The following PITPNM3 variants were observed in gnomAD, a reference collection of about 807,000 sequenced individuals.
PITPNM3 encodes membrane-associated phosphatidylinositol transfer protein 3.
In PITPNM3, 26 loss-of-function variants were observed where a neutral mutation model predicts 102.0. The ratio of observed to expected loss-of-function variants is 0.25; its 90% confidence interval spans 0.19 to 0.35. The LOEUF (loss-of-function observed/expected upper bound fraction) is 0.35, where lower values mean the gene tolerates loss of function less well. PITPNM3 is among the 10% of genes least tolerant of loss of function. PITPNM3 has a pLI of 1.00. For synonymous variants in PITPNM3, 578 were observed against 558.6 expected (o/e 1.03, Z -0.49); for missense variants, 1,083 against 1,346.1 (o/e 0.80, Z 3.06).
intron 2 of PITPNM3, among the ~76,000 whole-genome samples, chr17:6,529,903 G>C (rs768701758): frequency 7.9e-5 from 12 of 152,186 alleles, no homozygotes; most frequent in Non-Finnish European, 1.8e-4. Context: ...CTGGTTCCAT[G>C]GCGTTCTCTT....
chr17:6,539,348 A>G (rs1382392492), intron 1 of PITPNM3, among the ~76,000 whole-genome samples: 1 of 152,224 alleles, frequency 6.6e-6, no homozygotes, highest in East Asian at 1.9e-4. Flanking sequence ...TGTGGAGGAC[A>G]TTCTAGCTAT....
rs1480190324 is a variant in PITPNM3 at position 6,457,519 on chromosome 17, TG to T, written c.2619+74del. 1.9e-6 allele frequency: 3 copies of T among 1,592,430 alleles called. No homozygotes were observed. Among genetic ancestry groups the T allele is most frequent in the Admixed American group, 3.4e-5 (2 of 59,392 alleles). On this transcript the variant is annotated intron_variant, in intron 19 of 19. Coordinates refer to ENST00000262483, the MANE Select transcript of PITPNM3 (RefSeq NM_031220.4). The surrounding 1 kb of genome is among the most constrained non-coding windows in gnomAD (Gnocchi z 4.7). ...ATGAACAAATGAATGAATGAATGAA[TG>T]AAGTGCTTACTCCCTCTATCCCTTT...
intron 1 of PITPNM3, among the ~76,000 whole-genome samples, chr17:6,544,589 G>C (rs1053135977): frequency 2.0e-5 from 3 of 151,834 alleles, no homozygotes; most frequent in Non-Finnish European, 4.4e-5. Flanking sequence ...AGTGAGAGCA[G>C]TGCCTGGCTG....
chr17:6,472,117 C>T lies in PITPNM3; in HGVS notation c.1429+540G>A, dbSNP rs577511376. On this transcript the variant is annotated intron_variant, in intron 11 of 19. Transcript: ENST00000262483. This position sits in a 1 kb window ranked among gnomAD's most constrained non-coding sequence, Gnocchi z 4.1. ...CCATCGACGATACACTCGGTCCATGCCCGGTTCACCCCACTTGACCCTGGA... is the reference window on the plus strand; with the variant it reads ...CCATCGACGATACACTCGGTCCATGTCCGGTTCACCCCACTTGACCCTGGA... 5.9e-5 allele frequency among the ~76,000 whole-genome samples: 9 copies of T among 152,328 alleles called. No individual in the cohort carries two copies. Among genetic ancestry groups the T allele is most frequent in the African/African-American group, 1.7e-4 (7 of 41,572 alleles).
In PITPNM3 at chr17:6,454,232, T is replaced by C. The variant is rs886053295; in HGVS notation, c.*1106A>G. The stretch of plus-strand genomic sequence containing the variant: ...CTTTTGGCAGGAGAGGGAGGTGGGT[T>C]GTCCCTAGGACACCCAGTTTGAGTG... On this transcript the variant is annotated 3_prime_UTR_variant, in exon 20 of 20. Transcript: ENST00000262483. 5.9e-5 allele frequency: 9 copies of C among 152,220 alleles called. No homozygotes were observed. Among genetic ancestry groups the C allele is most frequent in the Non-Finnish European group, 4.4e-5 (3 of 68,054 alleles). The allele number at this position is 152,220 out of a possible 1,614,324, so 9.4% of individuals were successfully genotyped here. A position where few individuals can be genotyped will look rare whatever the true frequency, so the allele number is the denominator to read the frequency against.
In PITPNM3 at chr17:6,457,889, GCCCCTC is replaced by G. The variant is rs1343873659; in HGVS notation, c.2491-173_2491-168del. On this transcript the variant is annotated intron_variant, in intron 18 of 19. Transcript: ENST00000262483. This position sits in a 1 kb window ranked among gnomAD's most constrained non-coding sequence, Gnocchi z 4.7. ...TCAGGAATGAACCCTCAGAGTGGCT[GCCCCTC>G]CCTGCACCCCAGGCCCAACCCAGGT... 2.0e-5 allele frequency among the ~76,000 whole-genome samples: 3 copies of G among 151,168 alleles called. No homozygotes were observed. Among genetic ancestry groups the G allele is most frequent in the Non-Finnish European group, 4.4e-5 (3 of 67,820 alleles).
rs1451654833 is a variant in PITPNM3, at chr17:6,528,346, C to T, written c.119-2883G>A. On this transcript the variant is annotated intron_variant, in intron 2 of 19. Coordinates refer to ENST00000262483, the MANE Select transcript of PITPNM3 (RefSeq NM_031220.4). ...GATCTCTCTCATTCTCTATGGATTT[C>T]TCTTTTGTCTCTCTGGGTCCCTGTC... Among the ~76,000 whole-genome samples the T allele has an allele frequency of 2.0e-5, 3 of 152,146 alleles. No individual in the cohort carries two copies. In the South Asian group the frequency reaches 6.2e-4, roughly 32 times the overall value.
chr17:6,458,054 C>T lies in PITPNM3; in HGVS notation c.2491-332G>A, dbSNP rs796814356. On this transcript the variant is annotated intron_variant, in intron 18 of 19. Coordinates refer to ENST00000262483, the MANE Select transcript of PITPNM3 (RefSeq NM_031220.4). This position sits in a 1 kb window ranked among gnomAD's most constrained non-coding sequence, Gnocchi z 5.1. ...AATTGAGTTCCAGGTTTCTGGCTCA[C>T]AGGGCCAGGACTGGAGGCCAGTTCT... is the stretch of plus-strand genomic sequence containing the variant. Among the ~76,000 whole-genome samples, 45 of 152,288 alleles carry T rather than the reference C, an allele frequency of 3.0e-4. 1 individual carries two copies. Among genetic ancestry groups the T allele is most frequent in the African/African-American group, 1.1e-3 (44 of 41,554 alleles).
chr17:6,460,481 T>A (rs1904387217), intron 18 of PITPNM3: 1 of 152,298 alleles, frequency 6.6e-6, no homozygotes. Flanking sequence ...AGTAAATATA[T>A]CAGGCTTCGC....
In PITPNM3 at chr17:6,458,166, C is replaced by T. The variant is rs2150713428; in HGVS notation, c.2491-444G>A. 6.6e-6 allele frequency among the ~76,000 whole-genome samples: 1 copy of T among 152,078 alleles called. No homozygotes were observed. The highest frequency in any genetic ancestry group is 6.5e-5 in the Admixed American group (1 of 15,296). On this transcript the variant is annotated intron_variant, in intron 18 of 19. Transcript: ENST00000262483. This position sits in a 1 kb window ranked among gnomAD's most constrained non-coding sequence, Gnocchi z 5.1. ...TGCCTCTCACTGGCTGGTGTGATGACCGCCCCCCTCCCCAACCCCAGAATC... is the reference window on the plus strand; with the variant it reads ...TGCCTCTCACTGGCTGGTGTGATGATCGCCCCCCTCCCCAACCCCAGAATC...
Position 6,458,738 on chromosome 17 carries a change from C to T in PITPNM3, c.2491-1016G>A, listed in dbSNP as rs531546495. ...ATCCTGCCTGAGTGACCCATGGCAT[C>T]CCTGTGTCCTTGCCTCCACCCCGGA... On this transcript the variant is annotated intron_variant, in intron 18 of 19. Coordinates refer to ENST00000262483, the MANE Select transcript of PITPNM3 (RefSeq NM_031220.4). This position sits in a 1 kb window ranked among gnomAD's most constrained non-coding sequence, Gnocchi z 5.1. Among the ~76,000 whole-genome samples, 18 of 152,216 alleles carry T rather than the reference C, an allele frequency of 1.2e-4. No homozygotes were observed. In the South Asian group the frequency reaches 3.7e-3, roughly 32 times the overall value.
intron 2 of PITPNM3, among the ~76,000 whole-genome samples, chr17:6,531,666 T>C (rs1909153839): frequency 6.6e-6 from 1 of 152,148 alleles, no homozygotes; most frequent in Non-Finnish European, 1.5e-5. Flanking sequence ...GGAAAGCGTG[T>C]CCAGAGGACA....
At chr17:6,494,046 C>G (rs960391099) in intron 4 of PITPNM3, among the ~76,000 whole-genome samples, 15 of 152,198 alleles carry the variant, frequency 9.9e-5, no homozygotes, top group Non-Finnish European at 1.5e-4. Flanking sequence ...ACAAACACAG[C>G]CCTAAGACTG....
Position 6,472,871 on chromosome 17 carries a change from T to TG in PITPNM3, c.1259-45dup. 6.2e-7 allele frequency: 1 copy of TG among 1,607,388 alleles called. No homozygotes were observed. The highest frequency in any genetic ancestry group is 8.5e-7 in the Non-Finnish European group (1 of 1,176,032). On this transcript the variant is annotated intron_variant, in intron 10 of 19. Transcript: ENST00000262483. The surrounding 1 kb of genome is among the most constrained non-coding windows in gnomAD (Gnocchi z 4.1). ...CAGAGGGAAGCCACTTTCTAGTACC[T>TG]GCTCCCTGGGCCCTAGGAGGCTCCC... is the stretch of plus-strand genomic sequence containing the variant.
chr17:6,508,524 C>T (rs749207365), intron 3 of PITPNM3, among the ~76,000 whole-genome samples: 1 of 152,006 alleles, frequency 6.6e-6, no homozygotes, highest in Non-Finnish European at 1.5e-5. Context: ...GCTCAGGCAG[C>T]CTGGGTAGTG....
In PITPNM3 at chr17:6,478,807, G is replaced by A; in HGVS notation, c.588-71C>T. On this transcript the variant is annotated intron_variant, in intron 6 of 19. Transcript: ENST00000262483. The surrounding 1 kb of genome is among the most constrained non-coding windows in gnomAD (Gnocchi z 4.4). ...TTGGCAGGTTTGGGGCTGAGGATCA[G>A]GCAGAAGAGAGCACATACTGGCCAG... The A allele has an allele frequency of 6.9e-7, 1 of 1,447,048 alleles. No individual in the cohort carries two copies. Among genetic ancestry groups the A allele is most frequent in the Admixed American group, 2.0e-5 (1 of 48,804 alleles). 89.6% of individuals were successfully genotyped at this position (1,447,048 alleles called of 1,614,324 possible). A position where few individuals can be genotyped will look rare whatever the true frequency, so the allele number is the denominator to read the frequency against.
intron 4 of PITPNM3, among the ~76,000 whole-genome samples, chr17:6,499,488 G>A (rs114957688): frequency 2.6e-5 from 4 of 152,282 alleles, no homozygotes; most frequent in South Asian, 2.1e-4. Flanking sequence ...TGAGGCAGCC[G>A]CAGGACCAGT....
chr17:6,494,002 C>T (rs536781607), intron 4 of PITPNM3, among the ~76,000 whole-genome samples: 91 of 152,306 alleles, frequency 6.0e-4, no homozygotes, highest in African/African-American at 1.8e-3. Context: ...CATGAAATCC[C>T]AAACCCTGGT....
At chr17:6,509,390 G>A (rs1212710078) in intron 3 of PITPNM3, among the ~76,000 whole-genome samples, 2 of 152,228 alleles carry the variant, frequency 1.3e-5, no homozygotes, top group African/African-American at 4.8e-5. Flanking sequence ...GCTGCGGAGA[G>A]AGTGATTCAG....
Sources: allele counts gnomAD v4.1 joint callset (sites outside exome capture counted in the v4.1 genomes callset), GRCh38; gene constraint gnomAD v4.1.1; non-coding constraint Gnocchi (gnomAD v3.1); transcripts MANE v1.5; gene names NCBI Gene and HGNC (gene_info 2026-07-23, HGNC 2026-07-21).